The following SYNE2 variants were observed in gnomAD, a reference collection of about 807,000 sequenced individuals.
SYNE2 encodes the protein spectrin repeat containing nuclear envelope protein 2.
In SYNE2, 431 loss-of-function variants were observed where a neutral mutation model predicts 856.3. The ratio of observed to expected loss-of-function variants is 0.50; its 90% CI spans 0.47 to 0.55. The LOEUF (loss-of-function observed/expected upper bound fraction) is 0.55, where lower values mean the gene tolerates loss of function less well. Ranked by LOEUF, SYNE2 falls within the 20% of genes least tolerant of loss-of-function variation. The pLI, the probability that SYNE2 is intolerant of heterozygous loss-of-function variation, is 0.00. For synonymous variants in SYNE2, 2,923 were observed against 2,872.3 expected (o/e 1.02, Z -0.56); for missense variants, 8,129 against 8,023.2 (o/e 1.01, Z -0.50).
intron 35 of SYNE2, 133 bp from the exon 36 acceptor site, chr14:64,021,182 A>T: frequency 1.3e-6 from 1 of 761,992 alleles, no homozygotes; most frequent in East Asian, 2.7e-5. Flanking sequence ...TGACATAGAA[A>T]AACGTAGAGC....
In SYNE2 at chr14:64,049,984, A is replaced by AT. The variant is rs1282019695; in HGVS notation, c.7643+112dup. The AT allele has an allele frequency of 2.3e-6, 3 of 1,317,792 alleles. No homozygotes were observed. The African/African-American group carries it at 4.5e-5, about 20-fold the overall frequency. The allele number at this position is 1,317,792 out of a possible 1,614,324, so 81.6% of individuals were successfully genotyped here. On this transcript the variant is annotated intron_variant, in intron 47 of 115. Transcript: ENST00000555002. Reference sequence around the variant, plus strand: ...GTTTATATTGTGAAAGGAAATTATGATTTTAAAACCACAGGATGGAATGTT... The same window carrying AT: ...GTTTATATTGTGAAAGGAAATTATGATTTTTAAAACCACAGGATGGAATGTT...
intron 79 of SYNE2, among the ~76,000 whole-genome samples, chr14:64,139,221 C>T (rs1461868061): frequency 2.0e-5 from 3 of 149,368 alleles, no homozygotes; most frequent in Non-Finnish European, 2.9e-5. Context: ...GGGCTCAAGC[C>T]ATCCTCCCAC....
Position 64,225,686 on chromosome 14 carries a change from C to A in SYNE2, c.*160C>A. On this transcript the variant is annotated 3_prime_UTR_variant, in exon 116 of 116. Transcript: ENST00000555002. ...AGCACGGGCTCCCTGGAGCCCAGGGCAGCTTTCAGATTGTGTTCCTCCCCA... is the reference window on the plus strand; with the variant it reads ...AGCACGGGCTCCCTGGAGCCCAGGGAAGCTTTCAGATTGTGTTCCTCCCCA... The A allele has an allele frequency of 2.5e-6, 2 of 805,474 alleles. No individual in the cohort carries two copies. Among genetic ancestry groups the A allele is most frequent in the Non-Finnish European group, 4.1e-6 (2 of 483,144 alleles). The allele number at this position is 805,474 out of a possible 1,614,324, so 49.9% of individuals were successfully genotyped here. A position where few individuals can be genotyped will look rare whatever the true frequency, so the allele number is the denominator to read the frequency against.
chr14:64,221,436 T>C (rs1266285483), intron 111 of SYNE2, 140 bp from the exon 112 acceptor site: 3 of 1,512,648 alleles, frequency 2.0e-6, no homozygotes, highest in Non-Finnish European at 9.1e-7. Context: ...GCATTTAGTT[T>C]AAAGCTGGTC....
chr14:63,895,947 A>G (rs1298825540), intron 1 of SYNE2, among the ~76,000 whole-genome samples: 1 of 152,158 alleles, frequency 6.6e-6, no homozygotes, highest in Non-Finnish European at 1.5e-5. Flanking sequence ...TTCCAGGGAA[A>G]AGTTTGAAGC....
At chr14:64,169,804 T>C (rs1339355334) in intron 93 of SYNE2, among the ~76,000 whole-genome samples, 5 of 152,328 alleles carry the variant, frequency 3.3e-5, no homozygotes, top group Admixed American at 2.0e-4. Context: ...AAAAGAACTG[T>C]TGAGTAGCTG....
intron 65 of SYNE2, 28 bp downstream of exon 65, chr14:64,107,635 T>A: frequency 6.4e-7 from 1 of 1,557,536 alleles, no homozygotes; most frequent in Non-Finnish European, 8.9e-7. Flanking sequence ...ATAAGTAAAC[T>A]GCTCAGATAG....
chr14:64,201,558 C>T (rs1432402579), intron 99 of SYNE2, among the ~76,000 whole-genome samples: 2 of 152,094 alleles, frequency 1.3e-5, no homozygotes, highest in Non-Finnish European at 2.9e-5. Context: ...AGGGGCTGAA[C>T]CGGTTTTTCA....
Position 64,130,260 on chromosome 14 carries a change from A to G in SYNE2, c.14340+12A>G, listed in dbSNP as rs764479715. The G allele has an allele frequency of 6.2e-6, 10 of 1,607,886 alleles. No individual in the cohort carries two copies. Among genetic ancestry groups the G allele is most frequent in the African/African-American group, 1.3e-5 (1 of 74,664 alleles). On this transcript the variant is annotated intron_variant, in intron 76 of 115. Transcript: ENST00000555002. ...TAGAAAATCACAAGGTGAGACAGAC[A>G]CATGGGTCGGGTGACCCCTTCATAG...
intron 100 of SYNE2, among the ~76,000 whole-genome samples, chr14:64,205,751 T>C (rs529580031): frequency 5.6e-4 from 86 of 152,312 alleles, no homozygotes; most frequent in Admixed American, 9.1e-4. Flanking sequence ...AGTGGCAATT[T>C]TGTGACACTT....
intron 60 of SYNE2, among the ~76,000 whole-genome samples, chr14:64,091,918 C>T (rs911830618): frequency 2.6e-5 from 4 of 151,842 alleles, no homozygotes; most frequent in Non-Finnish European, 5.9e-5. Context: ...TATGTTTTTC[C>T]CTCTTAAATT....
In SYNE2 at chr14:64,024,317, C is replaced by T. The variant is rs2096960675; in HGVS notation, c.5698C>T (p.His1900Tyr). 1.9e-6 allele frequency: 3 copies of T among 1,614,060 alleles called. No individual in the cohort carries two copies. The highest frequency in any genetic ancestry group is 1.6e-4 in the Middle Eastern group (1 of 6,062). Residue 1900 changes from histidine to tyrosine, a missense_variant, in exon 39 of 116, where the codon CAT (histidine) becomes TAT (tyrosine). His to Tyr is a moderately conservative substitution (Grantham distance 83). Coordinates refer to ENST00000555002, the MANE Select transcript of SYNE2 (RefSeq NM_182914.3). The stretch of plus-strand genomic sequence containing the variant: ...AAAGCAGGTGGACAGCGTACTGAAG[C>T]ATGTGAAGAAGCATCTGCCCAAAGC... ...KIKQVDSVLK[H>Y]VKKHLPKAHV...
In SYNE2 at chr14:64,146,094, A is replaced by G; in HGVS notation, c.15510A>G (p.Glu5170=). 1.9e-6 allele frequency: 3 copies of G among 1,590,604 alleles called. No individual in the cohort carries two copies. Among genetic ancestry groups the G allele is most frequent in the Non-Finnish European group, 2.6e-6 (3 of 1,164,324 alleles). ...RKIQHLEQLL[E]SITESENKIQ... ...TACAACATTTAGAACAACTTCTAGA[A>G]AGTATCACTGAGAGTGAAAATAAAA... Residue 5170 remains glutamate (E), a synonymous_variant, in exon 84 of 116, where the codon GAA becomes GAG. Coordinates refer to ENST00000555002, the MANE Select transcript of SYNE2 (RefSeq NM_182914.3).
chr14:64,153,360 A>G (rs1026498804), intron 85 of SYNE2, among the ~76,000 whole-genome samples: 1 of 152,222 alleles, frequency 6.6e-6, no homozygotes, highest in African/African-American at 2.4e-5. Flanking sequence ...AGAGAACTAA[A>G]AATACTAACC....
chr14:63,932,252 A>T (rs4899123), intron 2 of SYNE2, among the ~76,000 whole-genome samples: 78,916 of 151,888 alleles, frequency 0.52, 22,684 homozygotes, highest in Non-Finnish European at 0.63. Context: ...CGTGGTGATG[A>T]GTGCCTGTAA....
At chr14:64,102,882 A>G (rs1048254803) in intron 64 of SYNE2, among the ~76,000 whole-genome samples, 2 of 151,916 alleles carry the variant, frequency 1.3e-5, no homozygotes, top group African/African-American at 4.8e-5. Context: ...TAGATTACAC[A>G]TGTAAGTGAG....
chr14:64,050,600 A>G (rs2097218235), intron 47 of SYNE2, among the ~76,000 whole-genome samples: 1 of 152,224 alleles, frequency 6.6e-6, no homozygotes, highest in Admixed American at 6.5e-5. Flanking sequence ...ATAGTTTGGT[A>G]TATATTGAAT....
chr14:63,812,509 A>G (rs1888653362), intron 1 of SYNE2, among the ~76,000 whole-genome samples: 1 of 152,238 alleles, frequency 6.6e-6, no homozygotes, highest in African/African-American at 2.4e-5. Context: ...GTTTATGAAT[A>G]TAACAGGATT....
chr14:63,921,872 C>G (rs1465113645), intron 2 of SYNE2, among the ~76,000 whole-genome samples: 1 of 152,194 alleles, frequency 6.6e-6, no homozygotes, highest in Non-Finnish European at 1.5e-5. Flanking sequence ...TTTGGCATTT[C>G]AGCTGATTTT....
Sources: gnomAD v4.1 joint callset for allele counts (sites outside exome capture counted in the v4.1 genomes callset) on GRCh38, gnomAD v4.1.1 for gene constraint, MANE v1.5 for transcripts, NCBI Gene and HGNC (gene_info 2026-07-23, HGNC 2026-07-21) for gene names.